The following PHACTR2 variants were observed in gnomAD, a reference collection of about 807,000 sequenced individuals.
PHACTR2 encodes the protein phosphatase and actin regulator 2, also known as chromosome 6 open reading frame 56.
Under a neutral mutation model 76.0 loss-of-function variants are expected in PHACTR2, and 30 were observed. The observed-to-expected ratio is 0.39, with a 90% CI of 0.30 to 0.54. The LOEUF (loss-of-function observed/expected upper bound fraction) is 0.54, where lower values mean the gene tolerates loss of function less well. Among genes scored for constraint, PHACTR2 ranks in the 20% least tolerant of loss-of-function variants. PHACTR2 has a pLI of 0.61. For synonymous variants in PHACTR2, 292 were observed against 292.5 expected, an observed-to-expected ratio of 1.00 and a Z score of 0.02; for missense variants, 696 against 781.1, an observed-to-expected ratio of 0.89 and a Z score of 1.30.
At chr6:143,788,652 T>C (rs1775608339) in intron 10 of PHACTR2, 121 bp from the exon 11 acceptor site, 2 of 609,244 alleles carry the variant, frequency 3.3e-6, no homozygotes, top group Admixed American at 6.5e-5. Context: ...CTTTTTTTTT[T>C]TTTTTGATCT....
In PHACTR2 at chr6:143,608,235, G is replaced by C; in HGVS notation, c.-75G>C. ...AGGGCTGATAATCAGCAGAAGGACA[G>C]GGTGCTTCGTTAGTCAGAAGAGCCA... On this transcript the variant is annotated 5_prime_UTR_variant, in exon 1 of 12. Transcript: ENST00000305766. The surrounding 1 kb of genome is among the most constrained non-coding windows in gnomAD (Gnocchi z 4.6). 1 of 1,494,052 alleles carries C rather than the reference G, an allele frequency of 6.7e-7. No homozygotes were observed. Among genetic ancestry groups the C allele is most frequent in the East Asian group, 2.3e-5 (1 of 44,224 alleles). The allele number at this position is 1,494,052 out of a possible 1,614,324, so 92.5% of individuals were successfully genotyped here.
rs1776526639 is a variant in PHACTR2, at chr6:143,826,179, C to T, written c.*2490C>T. ...AAGAATTAAAGGATTATGAGCTAAG[C>T]TGTATTTTGCAGAATATGGTTCTAT... On this transcript the variant is annotated 3_prime_UTR_variant, in exon 13 of 13. Coordinates refer to ENST00000440869, the MANE Select transcript of PHACTR2 (RefSeq NM_001100164.2). 1 of 152,130 alleles carries T rather than the reference C, an allele frequency of 6.6e-6. No individual in the cohort carries two copies. The highest frequency in any genetic ancestry group is 1.5e-5 in the Non-Finnish European group (1 of 68,030). The allele number at this position is 152,130 out of a possible 1,614,324, so 9.4% of individuals were successfully genotyped here. A position where few individuals can be genotyped will look rare whatever the true frequency, so the allele number is the denominator to read the frequency against.
At chr6:143,630,659 G>A (rs1214336823) in intron 1 of PHACTR2, among the ~76,000 whole-genome samples, 2 of 152,188 alleles carry the variant, frequency 1.3e-5, no homozygotes, top group Non-Finnish European at 2.9e-5. Context: ...GCAAGGCAAA[G>A]TAAATTCCTT....
intron 1 of PHACTR2, among the ~76,000 whole-genome samples, chr6:143,587,967 C>G (rs748839320): frequency 6.6e-6 from 1 of 151,122 alleles, no homozygotes; most frequent in Admixed American, 6.6e-5. Flanking sequence ...GAGCTGAGAT[C>G]GTGCCATTGC....
Position 143,775,389 on chromosome 6 carries a change from G to A in PHACTR2, c.1589+1174G>A, listed in dbSNP as rs1191322576. Among the ~76,000 whole-genome samples, 5 of 152,102 alleles carry A rather than the reference G, an allele frequency of 3.3e-5. No individual in the cohort carries two copies. The highest frequency in any genetic ancestry group is 1.9e-4 in the East Asian group (1 of 5,198). On this transcript the variant is annotated intron_variant, in intron 8 of 12. Transcript: ENST00000440869. This position sits in a 1 kb window ranked among gnomAD's most constrained non-coding sequence, Gnocchi z 4.4. ...CTAACCTGTGACCATTTCTGGCTTC[G>A]GGAAAAAGCCAGCAGAAGCAAGAGG...
chr6:143,691,605 A>G (rs17072876), intron 1 of PHACTR2, among the ~76,000 whole-genome samples: 3,704 of 152,348 alleles, frequency 0.024, 54 homozygotes, highest in South Asian at 0.043. Context: ...CAAGGAAGTT[A>G]TCAGCAGAAT....
intron 5 of PHACTR2, among the ~76,000 whole-genome samples, chr6:143,763,466 G>A (rs375937350): frequency 5.3e-5 from 8 of 152,330 alleles, no homozygotes; most frequent in African/African-American, 9.6e-5. Context: ...GTTAGGCACC[G>A]AATCCTTAGC....
intron 2 of PHACTR2, among the ~76,000 whole-genome samples, chr6:143,718,966 T>TCTGCCTC (rs1562281347): frequency 7.0e-6 from 1 of 143,490 alleles, no homozygotes; most frequent in Non-Finnish European, 1.5e-5. Flanking sequence ...CACTGCAACC[T>TCTGCCTC]CTGCCTCCTG....
chr6:143,712,968 A>G (rs370669175), intron 2 of PHACTR2, among the ~76,000 whole-genome samples: 1 of 152,204 alleles, frequency 6.6e-6, no homozygotes, highest in Admixed American at 6.5e-5. Flanking sequence ...GTGTGAGTGT[A>G]TTGTGTCTAA....
intron 10 of PHACTR2, among the ~76,000 whole-genome samples, chr6:143,785,113 A>C (rs1350222147): frequency 6.6e-6 from 1 of 152,162 alleles, no homozygotes; most frequent in Non-Finnish European, 1.5e-5. Flanking sequence ...CACAGTCCAA[A>C]GTCTCATCTG....
intron 1 of PHACTR2, among the ~76,000 whole-genome samples, chr6:143,590,819 A>G (rs1356660221): frequency 6.6e-6 from 1 of 152,160 alleles, no homozygotes; most frequent in Non-Finnish European, 1.5e-5. Context: ...TGAAGGGTCT[A>G]TTATGATACC....
intron 1 of PHACTR2, among the ~76,000 whole-genome samples, chr6:143,575,364 C>G (rs956875057): frequency 1.3e-5 from 2 of 152,182 alleles, no homozygotes; most frequent in Admixed American, 6.5e-5. Context: ...AGCACCATGT[C>G]TTAATTTTCT....
At position 143,556,426 on chromosome 6, in the gene PHACTR2, A is replaced by C. The variant is rs553877496; in HGVS notation, c.217+19219A>C. 2.0e-5 allele frequency among the ~76,000 whole-genome samples: 3 copies of C among 152,378 alleles called. No individual in the cohort carries two copies. The East Asian group carries it at 5.8e-4, about 29-fold the overall frequency. ...ACTAAATGGAGAAAACATTGAAGGC[A>C]GCCAGCTTGATAGAATCATCAAAAA... On this transcript the variant is annotated intron_variant, in intron 1 of 11. Coordinates refer to the PHACTR2 transcript ENST00000367584. The surrounding 1 kb of genome is among the most constrained non-coding windows in gnomAD (Gnocchi z 4.3).
chr6:143,603,943 C>T (rs1775839921), upstream of PHACTR2, among the ~76,000 whole-genome samples: 1 of 151,754 alleles, frequency 6.6e-6, no homozygotes, highest in Non-Finnish European at 1.5e-5. Flanking sequence ...ACTAAAAATA[C>T]AAAAAGTTAC....
intron 1 of PHACTR2, among the ~76,000 whole-genome samples, chr6:143,640,964 G>C (rs1776553102): frequency 6.6e-6 from 1 of 152,130 alleles, no homozygotes; most frequent in African/African-American, 2.4e-5. Flanking sequence ...GTCTTAGTCT[G>C]TTTTATGCTT....
intron 2 of PHACTR2, among the ~76,000 whole-genome samples, chr6:143,729,422 A>G (rs1778652990): frequency 6.6e-6 from 1 of 152,112 alleles, no homozygotes; most frequent in Admixed American, 6.6e-5. Flanking sequence ...CTCAGGTCAC[A>G]AAGATTTTTA....
rs111569872 is a variant in PHACTR2 at position 143,744,387 on chromosome 6, G to A, written c.215-4598G>A. On this transcript the variant is annotated intron_variant, in intron 2 of 12. Coordinates refer to ENST00000440869, the MANE Select transcript of PHACTR2 (RefSeq NM_001100164.2). ...CAAAGCCAACAGCCTGCAAGTCAAC[G>A]TTGGGGACACAGCAGTAAGCAAAAC... Among the ~76,000 whole-genome samples the A allele has an allele frequency of 1.1e-3, 162 of 152,318 alleles. 1 individual carries two copies. The highest frequency in any genetic ancestry group is 3.7e-3 in the African/African-American group (155 of 41,566).
chr6:143,771,210 A>G lies in PHACTR2; in HGVS notation c.1233-1048A>G, dbSNP rs185449382. ...TATATGTGTGTATATATATATATAT[A>G]TATATATATATATATATATATATAT... On this transcript the variant is annotated intron_variant, in intron 6 of 12. Coordinates refer to ENST00000440869, the MANE Select transcript of PHACTR2 (RefSeq NM_001100164.2). 9.3e-4 allele frequency among the ~76,000 whole-genome samples: 74 copies of G among 79,172 alleles called. 2 individuals carry two copies. The highest frequency in any genetic ancestry group is 8.5e-3 in the East Asian group (14 of 1,640). 51.9% of individuals were successfully genotyped at this position (79,172 alleles called of 152,430 possible).
chr6:143,669,051 A>G (rs1273588389), intron 1 of PHACTR2, among the ~76,000 whole-genome samples: 1 of 152,182 alleles, frequency 6.6e-6, no homozygotes, highest in African/African-American at 2.4e-5. Flanking sequence ...GCTGTGTCCC[A>G]GAGATTCTGG....
Sources: allele counts gnomAD v4.1 joint callset (sites outside exome capture counted in the v4.1 genomes callset), GRCh38; gene constraint gnomAD v4.1.1; non-coding constraint Gnocchi (gnomAD v3.1); transcripts MANE v1.5; gene names NCBI Gene and HGNC (gene_info 2026-07-23, HGNC 2026-07-21).